The following RASGEF1A variants were observed in gnomAD, a reference collection of about 807,000 sequenced individuals.
RASGEF1A encodes ras-GEF domain-containing family member 1A.
A neutral mutation model predicts 56.4 loss-of-function variants in RASGEF1A; 18 were observed. The ratio of observed to expected loss-of-function variants is 0.32; its 90% CI spans 0.22 to 0.47. The LOEUF (loss-of-function observed/expected upper bound fraction) is 0.47, where lower values mean the gene tolerates loss of function less well. Among genes scored for constraint, RASGEF1A ranks in the 20% least tolerant of loss-of-function variants. The pLI is 1.00. For missense variants in RASGEF1A, 422 were observed against 627.1 expected (o/e 0.67, Z 3.49); for synonymous variants, 245 against 242.6 (o/e 1.01, Z -0.09).
At chr10:43,261,184 T>C (rs960069223) in intron 1 of RASGEF1A, among the ~76,000 whole-genome samples, 4 of 152,196 alleles carry the variant, frequency 2.6e-5, no homozygotes, top group African/African-American at 9.7e-5. Flanking sequence ...CTGGCCATAC[T>C]TGCCAGCACA....
At chr10:43,214,859 A>T (rs1335543580) in intron 1 of RASGEF1A, among the ~76,000 whole-genome samples, 2 of 152,110 alleles carry the variant, frequency 1.3e-5, no homozygotes, top group African/African-American at 4.8e-5. Context: ...TCTCAATGCA[A>T]TTCTCCCTCA....
intron 4 of RASGEF1A, 79 bp downstream of exon 4, chr10:43,201,728 GT>G: frequency 1.4e-6 from 2 of 1,391,242 alleles, no homozygotes; most frequent in Non-Finnish European, 9.6e-7. Context: ...ATACAGAGTT[GT>G]CCCCGAAGCC....
rs570173214 is a variant in RASGEF1A at position 43,198,472 on chromosome 10, C to G, written c.1033-277G>C. ...CCTCGCCCTCCTTCCTTCAAGACTT[C>G]CCTTTGCTCCTCTACTTAGATCAAC... On this transcript the variant is annotated intron_variant, in intron 9 of 12. Coordinates refer to ENST00000395810, the MANE Select transcript of RASGEF1A (RefSeq NM_145313.4). Among the ~76,000 whole-genome samples the G allele has an allele frequency of 3.9e-5, 6 of 152,340 alleles. No homozygotes were observed. In the East Asian group the frequency reaches 1.2e-3, roughly 29 times the overall value.
intron 1 of RASGEF1A, among the ~76,000 whole-genome samples, chr10:43,226,023 G>C (rs1018041056): frequency 6.6e-6 from 1 of 152,102 alleles, no homozygotes; most frequent in Non-Finnish European, 1.5e-5. Flanking sequence ...GCGGTGACAG[G>C]GGTGGGGGCT....
intron 7 of RASGEF1A, among the ~76,000 whole-genome samples, chr10:43,199,458 T>A (rs1475489569): frequency 6.6e-6 from 1 of 152,108 alleles, no homozygotes; most frequent in Non-Finnish European, 1.5e-5. Context: ...AGAAAAATGG[T>A]GCTGGGCACA....
chr10:43,251,471 T>C (rs996154821), intron 1 of RASGEF1A, among the ~76,000 whole-genome samples: 8 of 152,134 alleles, frequency 5.3e-5, no homozygotes, highest in African/African-American at 1.9e-4. Context: ...CACTCACGCA[T>C]GCCCAGGAAA....
chr10:43,197,824 T>C (rs1564527269), intron 10 of RASGEF1A, among the ~76,000 whole-genome samples, 180 bp downstream of exon 10: 2 of 151,654 alleles, frequency 1.3e-5, no homozygotes, highest in African/African-American at 4.8e-5. Flanking sequence ...CAGGCGCACC[T>C]CATACCTTGC....
chr10:43,265,115 C>A (rs765299178), intron 1 of RASGEF1A, among the ~76,000 whole-genome samples: 6 of 152,150 alleles, frequency 3.9e-5, no homozygotes, highest in Non-Finnish European at 7.3e-5. Context: ...CAGCCACTGT[C>A]CAGCACAAAT....
At chr10:43,238,129 G>A (rs1282987475) in intron 1 of RASGEF1A, among the ~76,000 whole-genome samples, 1 of 152,002 alleles carries the variant, frequency 6.6e-6, no homozygotes, top group Non-Finnish European at 1.5e-5. Context: ...ATTGAGACCT[G>A]CCTTCAGGAG....
At position 43,257,022 on chromosome 10, in the gene RASGEF1A, A is replaced by G. The variant is rs180861895; in HGVS notation, c.-7+9823T>C. 2.7e-3 allele frequency among the ~76,000 whole-genome samples: 406 copies of G among 152,258 alleles called. 4 individuals are homozygous for G. Among genetic ancestry groups the G allele is most frequent in the African/African-American group, 9.6e-3 (399 of 41,542 alleles). ...TTTTAGGTTGTGTCTGCACTCCCAGAGTCTGGGCCATGCCTGGCGTGCATG... is the reference window on the plus strand; with the variant it reads ...TTTTAGGTTGTGTCTGCACTCCCAGGGTCTGGGCCATGCCTGGCGTGCATG... On this transcript the variant is annotated intron_variant, in intron 1 of 12. Coordinates refer to ENST00000395810, the MANE Select transcript of RASGEF1A (RefSeq NM_145313.4).
At chr10:43,211,855 C>T (rs1456972044) in intron 1 of RASGEF1A, among the ~76,000 whole-genome samples, 2 of 152,224 alleles carry the variant, frequency 1.3e-5, no homozygotes, top group African/African-American at 4.8e-5. Flanking sequence ...CCTGCTTCCT[C>T]GGCTGGACAC....
chr10:43,226,860 G>A (rs1840285772), intron 1 of RASGEF1A, among the ~76,000 whole-genome samples: 1 of 152,184 alleles, frequency 6.6e-6, no homozygotes, highest in East Asian at 1.9e-4. Context: ...TGAGGCCTTT[G>A]TGGCCTATGC....
chr10:43,210,643 C>T (rs1021654925), intron 1 of RASGEF1A, among the ~76,000 whole-genome samples: 1 of 152,342 alleles, frequency 6.6e-6, no homozygotes, highest in Admixed American at 6.5e-5. Flanking sequence ...CCAGGAAGCA[C>T]GGGGAGCCTC....
chr10:43,248,557 C>G (rs1475420099), intron 1 of RASGEF1A, among the ~76,000 whole-genome samples: 2 of 152,132 alleles, frequency 1.3e-5, no homozygotes, highest in Admixed American at 1.3e-4. Flanking sequence ...CTCGATGACC[C>G]TCACAGGCAC....
intron 1 of RASGEF1A, among the ~76,000 whole-genome samples, chr10:43,232,679 G>T (rs888695897): frequency 3.9e-5 from 6 of 152,162 alleles, no homozygotes; most frequent in Non-Finnish European, 8.8e-5. Context: ...TAGAGACAGG[G>T]TTTCACCGTG....
chr10:43,204,828 GGCATGAGGCCTCT>G (rs1264393758), intron 2 of RASGEF1A, among the ~76,000 whole-genome samples: 2 of 152,202 alleles, frequency 1.3e-5, no homozygotes, highest in Non-Finnish European at 2.9e-5. Flanking sequence ...CTCCAGCTGT[GGCATGAGGCCTCT>G]GCCCCACAGA....
intron 3 of RASGEF1A, among the ~76,000 whole-genome samples, chr10:43,202,400 A>G (rs902206014): frequency 2.0e-5 from 3 of 152,136 alleles, no homozygotes; most frequent in Non-Finnish European, 4.4e-5. Flanking sequence ...ACAGGCATGC[A>G]CGACCCCACC....
chr10:43,229,790 C>CGG, intron 1 of RASGEF1A: 1 of 1,259,094 alleles, frequency 7.9e-7, no homozygotes, highest in Non-Finnish European at 1.0e-6. Context: ...AGGGGTGGGA[C>CGG]CCCGGAAGCA....
At chr10:43,264,796 G>C (rs1266283176) in intron 1 of RASGEF1A, among the ~76,000 whole-genome samples, 1 of 152,008 alleles carries the variant, frequency 6.6e-6, no homozygotes, top group African/African-American at 2.4e-5. Context: ...GCAGAGAAGA[G>C]CATCCCTCCA....
Sources: gnomAD v4.1 joint callset for allele counts (sites outside exome capture counted in the v4.1 genomes callset) on GRCh38, gnomAD v4.1.1 for gene constraint, MANE v1.5 for transcripts, NCBI Gene and HGNC (gene_info 2026-07-23, HGNC 2026-07-21) for gene names.